DIAPH2: variants seen among roughly 807,000 people sequenced by gnomAD.
DIAPH2 encodes diaphanous related formin 2, also known as protein diaphanous homolog 2.
In DIAPH2, 35 loss-of-function variants were observed where a neutral mutation model predicts 92.7. The ratio of observed to expected loss-of-function variants is 0.38; its 90% CI spans 0.29 to 0.50. The LOEUF is 0.50. DIAPH2 is among the 20% of genes least tolerant of loss of function. DIAPH2 has a pLI of 0.94. For missense variants in DIAPH2, 701 were observed against 819.5 expected (o/e 0.86, Z 1.77); for synonymous variants, 301 against 280.4 (o/e 1.07, Z -0.73).
At chrX:97,306,551 G>T (rs1217270983) in intron 23 of DIAPH2, among the ~76,000 whole-genome samples, 6 of 111,617 alleles carry the variant, frequency 5.4e-5, no homozygotes, top group Non-Finnish European at 1.1e-4. Flanking sequence ...CCTTATCTCT[G>T]AACCAAATTC....
intron 1 of DIAPH2, among the ~76,000 whole-genome samples, chrX:96,721,595 T>C (rs1427858281): frequency 8.9e-6 from 1 of 112,325 alleles, no homozygotes; most frequent in Non-Finnish European, 1.9e-5. Context: ...AAGTAAACTA[T>C]GTAAATGATC....
At chrX:96,728,057 G>GAA (rs59678952) in intron 1 of DIAPH2, among the ~76,000 whole-genome samples, 18,683 of 96,394 alleles carry the variant, frequency 0.19, 1,520 homozygotes, top group East Asian at 0.32. Flanking sequence ...AAAAAAAAAA[G>GAA]AAAAAAAAAA....
At chrX:96,836,945 T>C (rs2064898787) in intron 4 of DIAPH2, among the ~76,000 whole-genome samples, 1 of 103,524 alleles carries the variant, frequency 9.7e-6, no homozygotes, top group Non-Finnish European at 2.0e-5. Context: ...GCCAGGATGG[T>C]CTCGATCTCC....
At chrX:97,441,744 T>A (rs939842713) in intron 26 of DIAPH2, among the ~76,000 whole-genome samples, 2 of 112,306 alleles carry the variant, frequency 1.8e-5, no homozygotes, top group African/African-American at 6.5e-5. Context: ...AACCAGGAAG[T>A]CAGAGGTTGC....
intron 17 of DIAPH2, among the ~76,000 whole-genome samples, chrX:96,986,699 T>G (rs1269187067): frequency 9.0e-6 from 1 of 111,453 alleles, no homozygotes; most frequent in African/African-American, 3.3e-5. Flanking sequence ...CTTAAGGACA[T>G]GTACCCTGAA....
At chrX:96,748,514 T>G (rs1357721970) in intron 3 of DIAPH2, among the ~76,000 whole-genome samples, 1 of 111,914 alleles carries the variant, frequency 8.9e-6, no homozygotes, top group Non-Finnish European at 1.9e-5. Flanking sequence ...TTGGCATAAA[T>G]GTTCTCAAAA....
At chrX:97,094,929 A>G (rs139719431) in intron 19 of DIAPH2, among the ~76,000 whole-genome samples, 1 of 109,975 alleles carries the variant, frequency 9.1e-6, no homozygotes, top group African/African-American at 3.3e-5. Flanking sequence ...AAAGGAACAC[A>G]TGATTTAAGA....
chrX:97,243,673 T>C (rs1475972791), intron 22 of DIAPH2, among the ~76,000 whole-genome samples: 1 of 111,669 alleles, frequency 9.0e-6, no homozygotes, highest in Non-Finnish European at 1.9e-5. Context: ...CCCTTTACTT[T>C]TTTTTACTTT....
At position 96,701,666 on chromosome X, in the gene DIAPH2, G is replaced by T. The variant is rs747225618; in HGVS notation, c.132+16476G>T. On this transcript the variant is annotated intron_variant, in intron 1 of 26. Transcript: ENST00000324765. ...TGGGATTATCATGTATGCAAGTTTA[G>T]AGTTATGTAAAGGCACATATTTGTT... 32 of 111,385 alleles carry T rather than the reference G, an allele frequency of 2.9e-4. 1 individual carries two copies. Among genetic ancestry groups the T allele is most frequent in the African/African-American group, 1.0e-3 (32 of 30,705 alleles). The allele number at this position is 111,385 out of a possible 1,213,427, so 9.2% of individuals were successfully genotyped here. A position where few individuals can be genotyped will look rare whatever the true frequency, so the allele number is the denominator to read the frequency against.
chrX:97,015,251 T>C (rs1205102064), intron 17 of DIAPH2, among the ~76,000 whole-genome samples: 1 of 111,810 alleles, frequency 8.9e-6, no homozygotes, highest in Non-Finnish European at 1.9e-5. Flanking sequence ...GCTTAAAATA[T>C]TCTGCAATAC....
chrX:96,898,639 A>G (rs1215208888), intron 5 of DIAPH2, among the ~76,000 whole-genome samples: 5 of 107,817 alleles, frequency 4.6e-5, no homozygotes, highest in Non-Finnish European at 7.7e-5. Flanking sequence ...CCTTTGTCAG[A>G]CGAGTAGGTT....
At chrX:96,694,589 C>T (rs866083477) in intron 1 of DIAPH2, among the ~76,000 whole-genome samples, 3 of 111,912 alleles carry the variant, frequency 2.7e-5, no homozygotes, top group Non-Finnish European at 3.8e-5. Flanking sequence ...GATCCGCCCT[C>T]CTGGGCCTCC....
intron 26 of DIAPH2, among the ~76,000 whole-genome samples, chrX:97,453,130 T>C (rs759671923): frequency 2.7e-5 from 3 of 111,556 alleles, no homozygotes; most frequent in Non-Finnish European, 3.8e-5. Context: ...GTTCATATTA[T>C]ACTGTATACA....
chrX:96,722,339 A>G (rs1451813376), intron 1 of DIAPH2, among the ~76,000 whole-genome samples: 1 of 110,429 alleles, frequency 9.1e-6, no homozygotes, highest in Non-Finnish European at 1.9e-5. Flanking sequence ...CCTGGGCAGC[A>G]GAGCGAGACT....
intron 22 of DIAPH2, among the ~76,000 whole-genome samples, chrX:97,226,033 C>T (rs1325189329): frequency 9.0e-6 from 1 of 111,561 alleles, no homozygotes. Context: ...ATAAGATGTA[C>T]TTAGCAGGAT....
chrX:97,491,095 T>G (rs1003465138), intron 26 of DIAPH2, among the ~76,000 whole-genome samples: 9 of 112,032 alleles, frequency 8.0e-5, no homozygotes, highest in Non-Finnish European at 9.4e-5. Flanking sequence ...CTCTAATATT[T>G]GGTGTATATA....
At chrX:97,010,651 A>G (rs1490983291) in intron 17 of DIAPH2, among the ~76,000 whole-genome samples, 1 of 111,811 alleles carries the variant, frequency 8.9e-6, no homozygotes, top group Non-Finnish European at 1.9e-5. Context: ...CTAGAGGAAA[A>G]TTTTATATGA....
chrX:97,364,997 A>T (rs1334734884), intron 24 of DIAPH2, among the ~76,000 whole-genome samples: 1 of 110,200 alleles, frequency 9.1e-6, no homozygotes, highest in Non-Finnish European at 1.9e-5. Context: ...TCAAAAGGGA[A>T]CTCATTACAT....
rs780768954 is a variant in DIAPH2, at chrX:97,012,864, G to T, written c.2050+47657G>T. Among the ~76,000 whole-genome samples, 17 of 112,351 alleles carry T rather than the reference G, an allele frequency of 1.5e-4. No homozygotes were observed. The South Asian group carries it at 6.3e-3, about 42-fold the overall frequency. On this transcript the variant is annotated intron_variant, in intron 17 of 26. Transcript: ENST00000324765. Reference sequence around the variant, plus strand: ...ACATTGGAAAATACATATTATTAAAGAATGTTATAGCTAAGAACAGTGCAA... The same window carrying T: ...ACATTGGAAAATACATATTATTAAATAATGTTATAGCTAAGAACAGTGCAA...
Sources: gnomAD v4.1 joint callset for allele counts (sites outside exome capture counted in the v4.1 genomes callset) on GRCh38, gnomAD v4.1.1 for gene constraint, MANE v1.5 for transcripts, NCBI Gene and HGNC (gene_info 2026-07-23, HGNC 2026-07-21) for gene names.